The following SHROOM3 variants were observed in gnomAD, a reference collection of about 807,000 sequenced individuals.
The protein encoded by SHROOM3 is protein Shroom3.
SHROOM3 carries 47 observed loss-of-function variants against 138.6 expected under a neutral mutation model. That is an observed-to-expected ratio of 0.34 (90% CI 0.27 to 0.43). The LOEUF (loss-of-function observed/expected upper bound fraction) is 0.43, where lower values mean the gene tolerates loss of function less well. Among genes scored for constraint, SHROOM3 ranks in the 20% least tolerant of loss-of-function variants. SHROOM3 has a pLI of 1.00. For synonymous variants in SHROOM3, 1,062 were observed against 1,063.3 expected (o/e 1.00, Z 0.02); for missense variants, 2,491 against 2,596.5 (o/e 0.96, Z 0.88).
intron 2 of SHROOM3, among the ~76,000 whole-genome samples, chr4:76,635,791 G>T (rs1009507248): frequency 6.6e-6 from 1 of 152,212 alleles, no homozygotes; most frequent in African/African-American, 2.4e-5. Flanking sequence ...AGCCACTTGA[G>T]ATGTGAGGTC....
chr4:76,696,425 C>A (rs1298236351), intron 2 of SHROOM3, among the ~76,000 whole-genome samples: 4 of 152,194 alleles, frequency 2.6e-5, no homozygotes, highest in African/African-American at 7.2e-5. Context: ...CTGGCTGGGG[C>A]GGAGGCCATT....
intron 1 of SHROOM3, among the ~76,000 whole-genome samples, chr4:76,553,565 C>T (rs11723845): frequency 0.089 from 13,545 of 152,042 alleles, 751 homozygotes; most frequent in East Asian, 0.14. Context: ...CATGAGACAC[C>T]GCACGAGGCC....
In SHROOM3 at chr4:76,779,204, A is replaced by T; in HGVS notation, c.*27A>T. 1 of 1,576,494 alleles carries T rather than the reference A, an allele frequency of 6.3e-7. No individual in the cohort carries two copies. The highest frequency in any genetic ancestry group is 8.6e-7 in the Non-Finnish European group (1 of 1,161,336). On this transcript the variant is annotated 3_prime_UTR_variant, in exon 11 of 11. Coordinates refer to ENST00000296043, the MANE Select transcript of SHROOM3 (RefSeq NM_020859.4). ...CTCTTCTAAAATACCCAACCAAAAGATCACTGTTTCTCTCAACACTATTTA... is the reference window on the plus strand; with the variant it reads ...CTCTTCTAAAATACCCAACCAAAAGTTCACTGTTTCTCTCAACACTATTTA...
chr4:76,505,400 A>G (rs1310276154), intron 1 of SHROOM3, among the ~76,000 whole-genome samples: 1 of 152,110 alleles, frequency 6.6e-6, no homozygotes, highest in Non-Finnish European at 1.5e-5. Context: ...AAAGATGTAC[A>G]CTTCTGTTTT....
chr4:76,607,345 G>A (rs745827465), intron 2 of SHROOM3, among the ~76,000 whole-genome samples: 4 of 152,208 alleles, frequency 2.6e-5, no homozygotes, highest in Non-Finnish European at 5.9e-5. Flanking sequence ...TGACCAGTAA[G>A]TTGCTCTCTA....
intron 1 of SHROOM3, among the ~76,000 whole-genome samples, chr4:76,500,638 T>G (rs1049940139): frequency 6.6e-6 from 1 of 152,204 alleles, no homozygotes; most frequent in Non-Finnish European, 1.5e-5. Flanking sequence ...TCCTTTTCAT[T>G]TTAGCCATTC....
chr4:76,756,348 T>G, intron 7 of SHROOM3, 101 bp from the exon 8 acceptor site: 1 of 1,391,528 alleles, frequency 7.2e-7, no homozygotes, highest in African/African-American at 1.4e-5. Context: ...TGTGGAAAGC[T>G]TCTCCCTCAG....
intron 2 of SHROOM3, chr4:76,688,778 TAC>T: frequency 1.0e-6 from 1 of 985,336 alleles, no homozygotes; most frequent in Non-Finnish European, 1.2e-6. Context: ...CTCTCGAAAT[TAC>T]AGTCATGACG....
intron 1 of SHROOM3, chr4:76,532,170 T>A (rs1579217526): frequency 6.6e-6 from 1 of 151,768 alleles, no homozygotes; most frequent in African/African-American, 2.4e-5. Flanking sequence ...TTGTTTTTTG[T>A]CCCTGCAATA....
chr4:76,476,888 A>G (rs188234676), intron 1 of SHROOM3, among the ~76,000 whole-genome samples: 1 of 152,330 alleles, frequency 6.6e-6, no homozygotes, highest in East Asian at 1.9e-4. Context: ...TGGAGTTCCT[A>G]CGAGTGTGGA....
At chr4:76,529,810 C>T (rs890644546) in intron 1 of SHROOM3, among the ~76,000 whole-genome samples, 4 of 152,184 alleles carry the variant, frequency 2.6e-5, no homozygotes, top group Non-Finnish European at 4.4e-5. Flanking sequence ...TTTTAAAAAT[C>T]GTCACTGTCT....
At chr4:76,628,744 A>G (rs920235089) in intron 2 of SHROOM3, 4 of 152,232 alleles carry the variant, frequency 2.6e-5, no homozygotes, top group Non-Finnish European at 5.9e-5. Flanking sequence ...TTTAAAAATT[A>G]TAAGTATCAA....
intron 2 of SHROOM3, among the ~76,000 whole-genome samples, chr4:76,591,699 C>T (rs1304062968): frequency 1.3e-5 from 2 of 152,220 alleles, no homozygotes; most frequent in African/African-American, 4.8e-5. Flanking sequence ...CCAACCTACC[C>T]GGAAAGGGAT....
intron 2 of SHROOM3, among the ~76,000 whole-genome samples, chr4:76,660,484 A>AT (rs1560583075): frequency 3.1e-4 from 47 of 151,494 alleles, no homozygotes; most frequent in African/African-American, 9.9e-4. Flanking sequence ...TATTTTAATT[A>AT]ATTTTTTTTA....
chr4:76,565,463 G>T (rs979411022), intron 2 of SHROOM3, among the ~76,000 whole-genome samples: 4 of 152,080 alleles, frequency 2.6e-5, no homozygotes, highest in African/African-American at 7.2e-5. Context: ...ACTAATTCCT[G>T]GCTCCTACCT....
chr4:76,556,520 C>T (rs1733487903), intron 2 of SHROOM3, among the ~76,000 whole-genome samples: 1 of 152,188 alleles, frequency 6.6e-6, no homozygotes, highest in African/African-American at 2.4e-5. Context: ...AGTTGAAAAG[C>T]CAGAATAGAA....
At chr4:76,766,923 T>C (rs1722175718) in intron 9 of SHROOM3, among the ~76,000 whole-genome samples, 1 of 152,190 alleles carries the variant, frequency 6.6e-6, no homozygotes, top group African/African-American at 2.4e-5. Context: ...TTAATAACTT[T>C]CCAAAATCAG....
intron 1 of SHROOM3, among the ~76,000 whole-genome samples, chr4:76,461,705 G>A (rs577808037): frequency 6.6e-6 from 1 of 151,706 alleles, no homozygotes; most frequent in South Asian, 2.1e-4. Flanking sequence ...AAAGGCTTAT[G>A]GTAATTCTTG....
At chr4:76,699,316 T>C (rs1392626841) in intron 2 of SHROOM3, among the ~76,000 whole-genome samples, 2 of 152,202 alleles carry the variant, frequency 1.3e-5, no homozygotes, top group Non-Finnish European at 2.9e-5. Context: ...CCCTTGTTGA[T>C]GTAGGTACGC....
Sources: allele counts gnomAD v4.1 joint callset (sites outside exome capture counted in the v4.1 genomes callset), GRCh38; gene constraint gnomAD v4.1.1; transcripts MANE v1.5; gene names NCBI Gene and HGNC (gene_info 2026-07-23, HGNC 2026-07-21).